Variants in RALGAPA2 observed in about 807,000 individuals in gnomAD.
RALGAPA2 encodes the protein ral GTPase-activating protein subunit alpha-2.
In RALGAPA2, 139 loss-of-function variants were observed where a neutral mutation model predicts 230.4. The ratio of observed to expected loss-of-function variants is 0.60; its 90% CI spans 0.53 to 0.69. RALGAPA2 has a LOEUF of 0.69. Ranked by LOEUF, RALGAPA2 falls within the 30% of genes least tolerant of loss-of-function variation. The probability of loss-of-function intolerance (pLI) is 0.00; values close to 1 mark genes in which losing one functional copy is unlikely to be tolerated. For synonymous variants in RALGAPA2, 847 were observed against 837.8 expected (o/e 1.01, Z -0.19); for missense variants, 2,163 against 2,276.0 (o/e 0.95, Z 1.01).
intron 1 of RALGAPA2, among the ~76,000 whole-genome samples, chr20:20,696,754 C>T (rs1310463567): frequency 6.6e-6 from 1 of 152,166 alleles, no homozygotes; most frequent in East Asian, 1.9e-4. Flanking sequence ...AAGCTGCTCC[C>T]TTGCTTAACC....
chr20:20,513,559 A>T (rs1261304252), intron 31 of RALGAPA2, among the ~76,000 whole-genome samples: 1 of 152,188 alleles, frequency 6.6e-6, no homozygotes, highest in Admixed American at 6.5e-5. Context: ...GATGGCATCC[A>T]GCTGGTAAGA....
At chr20:20,482,002 T>C (rs919614959) in intron 36 of RALGAPA2, among the ~76,000 whole-genome samples, 8 of 152,066 alleles carry the variant, frequency 5.3e-5, no homozygotes, top group Non-Finnish European at 1.0e-4. Context: ...TTAAGAGAAA[T>C]GTAAGGTATA....
Position 20,396,468 on chromosome 20 carries a change from C to T in RALGAPA2, c.*35+227G>A, listed in dbSNP as rs541971512. Among the ~76,000 whole-genome samples the T allele has an allele frequency of 1.8e-4, 28 of 152,340 alleles. No homozygotes were observed. The South Asian group carries it at 5.4e-3, about 29-fold the overall frequency. ...TTTCCGGGATGGCAGGTGTTGGTGTCGGATTCCTCCCCGAGTGCACGGGCA... is the reference window on the plus strand; with the variant it reads ...TTTCCGGGATGGCAGGTGTTGGTGTTGGATTCCTCCCCGAGTGCACGGGCA... On this transcript the variant is annotated intron_variant, in intron 39 of 39. Transcript: ENST00000202677.
At chr20:20,524,691 G>C in intron 29 of RALGAPA2, 139 bp downstream of exon 29, 1 of 1,288,848 alleles carries the variant, frequency 7.8e-7, no homozygotes, top group Non-Finnish European at 1.1e-6. Context: ...TAAATAAGTA[G>C]CATTTTCACA....
At chr20:20,403,986 G>A (rs143475154) in intron 38 of RALGAPA2, among the ~76,000 whole-genome samples, 68 of 152,344 alleles carry the variant, frequency 4.5e-4, no homozygotes, top group East Asian at 1.5e-3. Context: ...TCCCACCACA[G>A]GTCACAGCTG....
intron 37 of RALGAPA2, among the ~76,000 whole-genome samples, chr20:20,460,685 A>G (rs1175024230): frequency 6.6e-6 from 1 of 152,210 alleles, no homozygotes; most frequent in Admixed American, 6.5e-5. Flanking sequence ...CTACTGAGTT[A>G]TTGTCAGGGG....
chr20:20,553,348 T>C lies in RALGAPA2; in HGVS notation c.3157-6516A>G, dbSNP rs550951439. Reference sequence around the variant, plus strand: ...GGGAGGATCACTTGAGCCCAGGAGTTCAAAACCAGCCTGGGTGACATATCA... The same window carrying C: ...GGGAGGATCACTTGAGCCCAGGAGTCCAAAACCAGCCTGGGTGACATATCA... On this transcript the variant is annotated intron_variant, in intron 23 of 39. Coordinates refer to ENST00000202677, the MANE Select transcript of RALGAPA2 (RefSeq NM_020343.4). Among the ~76,000 whole-genome samples the C allele has an allele frequency of 3.1e-3, 473 of 152,088 alleles. 2 individuals are homozygous for C. The highest frequency in any genetic ancestry group is 5.8e-3 in the Non-Finnish European group (393 of 67,978).
chr20:20,412,839 A>G (rs1035525230), intron 37 of RALGAPA2, among the ~76,000 whole-genome samples: 2 of 152,252 alleles, frequency 1.3e-5, no homozygotes, highest in African/African-American at 4.8e-5. Flanking sequence ...AAAACTTACA[A>G]GCGTAACACA....
At chr20:20,567,029 A>G (rs1463418008) in intron 23 of RALGAPA2, among the ~76,000 whole-genome samples, 1 of 152,264 alleles carries the variant, frequency 6.6e-6, no homozygotes, top group Non-Finnish European at 1.5e-5. Context: ...TTTTACATTA[A>G]TGTAGGCTTT....
chr20:20,440,720 G>A (rs2060719987), intron 37 of RALGAPA2, among the ~76,000 whole-genome samples: 1 of 152,184 alleles, frequency 6.6e-6, no homozygotes, highest in African/African-American at 2.4e-5. Context: ...AGAGCACCTG[G>A]TACTCCCCGG....
chr20:20,501,093 A>C (rs1383298406), intron 35 of RALGAPA2, among the ~76,000 whole-genome samples: 1 of 152,182 alleles, frequency 6.6e-6, no homozygotes, highest in African/African-American at 2.4e-5. Flanking sequence ...ATTTAGCATA[A>C]TGTTTAAGGG....
At chr20:20,526,387 A>G (rs1412350032) in intron 27 of RALGAPA2, 25 bp from the exon 28 acceptor site, 1 of 1,455,476 alleles carries the variant, frequency 6.9e-7, no homozygotes, top group Admixed American at 2.0e-5. Context: ...CGAATCCCAA[A>G]GCAGACACAT....
intron 3 of RALGAPA2, among the ~76,000 whole-genome samples, chr20:20,674,529 G>A (rs911177588): frequency 5.3e-5 from 8 of 152,098 alleles, no homozygotes; most frequent in Middle Eastern, 3.2e-3. Context: ...GACTCAGGGC[G>A]GAAAGCAGAC....
intron 1 of RALGAPA2, among the ~76,000 whole-genome samples, chr20:20,706,419 G>C (rs183814023): frequency 6.6e-6 from 1 of 152,306 alleles, no homozygotes; most frequent in African/African-American, 2.4e-5. Context: ...ACCATACTAA[G>C]ACTGCCTGAA....
At chr20:20,466,749 T>C (rs1292067534) in intron 37 of RALGAPA2, among the ~76,000 whole-genome samples, 1 of 152,156 alleles carries the variant, frequency 6.6e-6, no homozygotes, top group Admixed American at 6.5e-5. Context: ...TCATCTCCAA[T>C]CTGTGGCCAA....
intron 9 of RALGAPA2, among the ~76,000 whole-genome samples, chr20:20,634,802 A>G (rs2066802046): frequency 1.3e-5 from 2 of 152,208 alleles, no homozygotes; most frequent in Admixed American, 6.5e-5. Flanking sequence ...TAAGTAACTC[A>G]GCCTGTTGGG....
rs772502364 is a variant in RALGAPA2 at position 20,637,322 on chromosome 20, T to C, written c.805+41A>G. 2.7e-6 allele frequency: 4 copies of C among 1,466,056 alleles called. No homozygotes were observed. In the East Asian group the frequency reaches 9.7e-5, roughly 36 times the overall value. 90.8% of individuals were successfully genotyped at this position (1,466,056 alleles called of 1,614,324 possible). Reference sequence around the variant, plus strand: ...CACTTTGAAAGAGACTGCATAGCTTTCCTTTGGATATCCTCTATACACGGC... The same window carrying C: ...CACTTTGAAAGAGACTGCATAGCTTCCCTTTGGATATCCTCTATACACGGC... On this transcript the variant is annotated intron_variant, in intron 8 of 39. Coordinates refer to ENST00000202677, the MANE Select transcript of RALGAPA2 (RefSeq NM_020343.4).
At chr20:20,408,670 C>A (rs2059995448) in intron 38 of RALGAPA2, among the ~76,000 whole-genome samples, 1 of 152,142 alleles carries the variant, frequency 6.6e-6, no homozygotes, top group African/African-American at 2.4e-5. Context: ...GGCCTCTCTG[C>A]CGGTCCCTCT....
At chr20:20,447,589 T>A (rs1035555419) in intron 37 of RALGAPA2, among the ~76,000 whole-genome samples, 18 of 152,012 alleles carry the variant, frequency 1.2e-4, no homozygotes, top group Non-Finnish European at 2.4e-4. Flanking sequence ...ATATTCTCTA[T>A]GCTTTGTAAT....
Sources: gnomAD v4.1 joint callset for allele counts (sites outside exome capture counted in the v4.1 genomes callset) on GRCh38, gnomAD v4.1.1 for gene constraint, MANE v1.5 for transcripts, NCBI Gene and HGNC (gene_info 2026-07-23, HGNC 2026-07-21) for gene names.